PRELID2: variants seen among roughly 807,000 people sequenced by gnomAD.
PRELID2 encodes the protein PRELI domain containing 2.
Under a neutral mutation model 28.4 loss-of-function variants are expected in PRELID2, and 25 were observed. The observed-to-expected ratio is 0.88, with a 90% CI of 0.64 to 1.23. The LOEUF is 1.23. Among genes scored for constraint, PRELID2 ranks in the 50% most tolerant of loss-of-function variants. The pLI is 0.00. For synonymous variants in PRELID2, 76 were observed against 71.6 expected, an observed-to-expected ratio of 1.06 and a Z score of -0.31; for missense variants, 201 against 214.4, an observed-to-expected ratio of 0.94 and a Z score of 0.39.
chr5:145,380,501 TC>T, the PRELID2 span, among the ~76,000 whole-genome samples: 3 of 152,336 alleles, frequency 2.0e-5, no homozygotes, highest in African/African-American at 7.2e-5. Flanking sequence ...ACTTAAAATT[TC>T]AGCTCAAATA....
the PRELID2 span, among the ~76,000 whole-genome samples, chr5:145,248,377 T>C: frequency 6.6e-6 from 1 of 152,180 alleles, no homozygotes; most frequent in Non-Finnish European, 1.5e-5. Flanking sequence ...CTTAAAATTA[T>C]GATTATAAAA....
At chr5:145,360,909 T>C in the PRELID2 span, among the ~76,000 whole-genome samples, 26 of 152,186 alleles carry the variant, frequency 1.7e-4, no homozygotes, top group Non-Finnish European at 2.9e-4. Context: ...ATAATACTTA[T>C]GTCAGCCTAA....
At chr5:145,738,434 A>C (rs1756557595) in intron 1 of PRELID2, among the ~76,000 whole-genome samples, 1 of 152,202 alleles carries the variant, frequency 6.6e-6, no homozygotes, top group Non-Finnish European at 1.5e-5. Flanking sequence ...TTTGGTAAGC[A>C]ATTACAAACA....
the PRELID2 span, among the ~76,000 whole-genome samples, chr5:145,444,168 ATGGCTAGAAAAT>A: frequency 6.6e-6 from 1 of 152,020 alleles, no homozygotes; most frequent in African/African-American, 2.4e-5. Flanking sequence ...ATGGCAACAA[ATGGCTAGAAAAT>A]TGGCCCCTTG....
intron 1 of PRELID2, among the ~76,000 whole-genome samples, chr5:145,579,376 T>C (rs1753088805): frequency 6.6e-6 from 1 of 152,128 alleles, no homozygotes; most frequent in Non-Finnish European, 1.5e-5. Context: ...GCAGATGCTA[T>C]ATGGTTCTGG....
At chr5:145,655,565 G>C (rs1172949411) in intron 1 of PRELID2, among the ~76,000 whole-genome samples, 1 of 152,086 alleles carries the variant, frequency 6.6e-6, no homozygotes, top group Admixed American at 6.6e-5. Context: ...TAGACCAATG[G>C]AACAGAATAT....
At chr5:145,781,181 A>C (rs968497602) in intron 5 of PRELID2, among the ~76,000 whole-genome samples, 12 of 152,162 alleles carry the variant, frequency 7.9e-5, no homozygotes, top group African/African-American at 2.9e-4. Context: ...AGGATGAGAA[A>C]TCACAATAGA....
At chr5:145,286,532 C>T in the PRELID2 span, among the ~76,000 whole-genome samples, 1 of 152,060 alleles carries the variant, frequency 6.6e-6, no homozygotes, top group Non-Finnish European at 1.5e-5. Flanking sequence ...GATTGAAATT[C>T]AAACTCAGAT....
At chr5:145,696,156 CTTTTTTT>C (rs10591669) in intron 1 of PRELID2, among the ~76,000 whole-genome samples, 2,824 of 60,082 alleles carry the variant, frequency 0.047, 124 homozygotes, top group African/African-American at 0.13. Context: ...TAAATAATAG[CTTTTTTT>C]TTTTTTTTTT....
the PRELID2 span, among the ~76,000 whole-genome samples, chr5:145,428,341 A>C: frequency 1.3e-5 from 2 of 152,032 alleles, no homozygotes; most frequent in Non-Finnish European, 2.9e-5. Context: ...CTAGTCTCTC[A>C]CCCATTGTAA....
At chr5:145,307,528 G>C in the PRELID2 span, among the ~76,000 whole-genome samples, 3 of 152,200 alleles carry the variant, frequency 2.0e-5, no homozygotes, top group Non-Finnish European at 2.9e-5. Context: ...CTGGGAAATA[G>C]AGTATAATAG....
At chr5:145,584,679 A>T (rs1753136527) in intron 1 of PRELID2, among the ~76,000 whole-genome samples, 1 of 150,792 alleles carries the variant, frequency 6.6e-6, no homozygotes, top group Non-Finnish European at 1.5e-5. Context: ...CAAACATGGA[A>T]AAAAGCTCAA....
At chr5:145,664,147 T>C (rs913954344) in intron 1 of PRELID2, among the ~76,000 whole-genome samples, 13 of 152,144 alleles carry the variant, frequency 8.5e-5, no homozygotes, top group African/African-American at 1.9e-4. Flanking sequence ...TGCTGGTAAA[T>C]TGTTGTTCCT....
At chr5:145,381,795 AAAAATAATT>A in the PRELID2 span, 2 of 152,202 alleles carry the variant, frequency 1.3e-5, no homozygotes, top group African/African-American at 4.8e-5. Context: ...CTTCTATAAC[AAAAATAATT>A]CTACAGAGGA....
At chr5:145,747,362 G>A (rs764423971) in intron 1 of PRELID2, among the ~76,000 whole-genome samples, 5 of 151,870 alleles carry the variant, frequency 3.3e-5, no homozygotes, top group Non-Finnish European at 5.9e-5. Flanking sequence ...TGACACCACA[G>A]AAATATAAAT....
downstream of PRELID2, among the ~76,000 whole-genome samples, chr5:145,469,866 G>A (rs115769452): frequency 3.1e-3 from 472 of 152,186 alleles, 4 homozygotes; most frequent in African/African-American, 0.011. Context: ...ATTTCACAAT[G>A]TCCCATCAGT....
the PRELID2 span, among the ~76,000 whole-genome samples, chr5:145,233,538 G>A: frequency 2.0e-5 from 3 of 152,082 alleles, no homozygotes; most frequent in African/African-American, 7.2e-5. Context: ...CTGATGTGAG[G>A]AATCTAAAAT....
chr5:145,301,730 T>C, the PRELID2 span, among the ~76,000 whole-genome samples: 6 of 152,274 alleles, frequency 3.9e-5, no homozygotes, highest in Admixed American at 3.9e-4. Flanking sequence ...TTGTTGAAAG[T>C]ACTTTTCCTT....
chr5:145,529,660 A>G (rs1752638910), intron 1 of PRELID2, among the ~76,000 whole-genome samples: 1 of 152,176 alleles, frequency 6.6e-6, no homozygotes, highest in South Asian at 2.1e-4. Context: ...CAATGTTCCT[A>G]TTCTAATAAG....
Sources: gnomAD v4.1 joint callset for allele counts (sites outside exome capture counted in the v4.1 genomes callset) on GRCh38, gnomAD v4.1.1 for gene constraint, MANE v1.5 for transcripts, NCBI Gene and HGNC (gene_info 2026-07-23, HGNC 2026-07-21) for gene names.